IGFL4: variants seen among roughly 807,000 people sequenced by gnomAD.
IGFL4 encodes the protein insulin growth factor-like family member 4.
In IGFL4, 12 loss-of-function variants were observed where a neutral mutation model predicts 15.4. The observed-to-expected ratio is 0.78, with a 90% CI of 0.50 to 1.26. The LOEUF is 1.26. IGFL4 is among the 50% of genes most tolerant of loss of function. The pLI is 0.00. For synonymous variants in IGFL4, 54 were observed against 55.9 expected, an observed-to-expected ratio of 0.97 and a Z score of 0.16; for missense variants, 126 against 147.8, an observed-to-expected ratio of 0.85 and a Z score of 0.76.
intron 2 of IGFL4, among the ~76,000 whole-genome samples, chr19:46,051,567 A>C (rs1179801914): frequency 7.9e-5 from 12 of 151,748 alleles, no homozygotes; most frequent in East Asian, 3.9e-4. Flanking sequence ...AAAACAAAAC[A>C]AAACCAAAAA....
At chr19:46,055,774 C>T (rs1274250793) in intron 2 of IGFL4, among the ~76,000 whole-genome samples, 2 of 151,926 alleles carry the variant, frequency 1.3e-5, no homozygotes, top group African/African-American at 4.8e-5. Flanking sequence ...TGTGAGAGCT[C>T]AGTTTAATTT....
chr19:46,067,311 G>C (rs1969504420), intron 1 of IGFL4, among the ~76,000 whole-genome samples: 1 of 152,060 alleles, frequency 6.6e-6, no homozygotes, highest in South Asian at 2.1e-4. Flanking sequence ...TGCCTCTGTG[G>C]CACCTCAGTC....
At chr19:46,043,892 T>A, upstream of IGFL4, among the ~76,000 whole-genome samples, 1 of 152,158 alleles carries the variant, frequency 6.6e-6, no homozygotes, top group East Asian at 1.9e-4. Context: ...ATTGTCCATT[T>A]AAAAAATGGA....
At position 46,040,380 on chromosome 19, in the gene IGFL4, C is replaced by T; in HGVS notation, c.107G>A (p.Cys36Tyr). ...RLWLCQPAPR[C>Y]GEWTYNPLEQ... ...CAAGGGGTTGTAGGTCCACTCCCCG[C>T]ACCTGGGCGCTGGCTGGCATAGCCA... Residue 36 changes from cysteine to tyrosine, a missense_variant, in exon 3 of 4, where the codon TGC (cysteine) becomes TAC (tyrosine). Cys to Tyr is a radical substitution (Grantham distance 194). Transcript: ENST00000377697. The surrounding 1 kb of genome is among the most constrained non-coding windows in gnomAD (Gnocchi z 4.1). The T allele has an allele frequency of 4.3e-6, 7 of 1,614,208 alleles. No individual in the cohort carries two copies. Among genetic ancestry groups the T allele is most frequent in the Non-Finnish European group, 5.9e-6 (7 of 1,180,040 alleles).
Position 46,039,753 on chromosome 19 carries a change from A to G in IGFL4, c.*139T>C, listed in dbSNP as rs1641421187. On this transcript the variant is annotated 3_prime_UTR_variant, in exon 4 of 4. Transcript: ENST00000377697. ...TTGTACATTGATTTTGTATCCTGAG[A>G]CTTTGCTGAAGTTGCTTATTTGCAC... 1 of 728,316 alleles carries G rather than the reference A, an allele frequency of 1.4e-6. No individual in the cohort carries two copies. Among genetic ancestry groups the G allele is most frequent in the Admixed American group, 2.0e-5 (1 of 49,198 alleles). 45.1% of individuals were successfully genotyped at this position (728,316 alleles called of 1,614,324 possible).
upstream of IGFL4, among the ~76,000 whole-genome samples, chr19:46,043,526 C>T (rs186825931): frequency 7.7e-4 from 118 of 152,264 alleles, no homozygotes; most frequent in African/African-American, 2.4e-3. Flanking sequence ...GGAGGACTCA[C>T]ACTACCCAAT....
chr19:46,059,353 C>T (rs1048458848), intron 2 of IGFL4: 1 of 152,184 alleles, frequency 6.6e-6, no homozygotes, highest in Non-Finnish European at 1.5e-5. Flanking sequence ...GATCCATATT[C>T]TGTAACTTCT....
Position 46,071,723 on chromosome 19 carries a change from T to C in IGFL4, c.-432+5297A>G, listed in dbSNP as rs566990117. Reference sequence around the variant, plus strand: ...AACAAAGACCTTTCTAAAATAGCCTTCAAAAATGGTAAGGAGGTTGGGCAC... The same window carrying C: ...AACAAAGACCTTTCTAAAATAGCCTCCAAAAATGGTAAGGAGGTTGGGCAC... On this transcript the variant is annotated intron_variant, in intron 1 of 5. Coordinates refer to the IGFL4 transcript ENST00000601672. 3.9e-5 allele frequency among the ~76,000 whole-genome samples: 6 copies of C among 152,238 alleles called. No homozygotes were observed. The East Asian group carries it at 1.2e-3, about 29-fold the overall frequency.
Position 46,040,123 on chromosome 19 carries a change from C to T in IGFL4, c.330+34G>A, listed in dbSNP as rs183541426. 6.2e-6 allele frequency: 10 copies of T among 1,610,208 alleles called. No homozygotes were observed. Among genetic ancestry groups the T allele is most frequent in the Non-Finnish European group, 8.5e-6 (10 of 1,177,898 alleles). ...AACCAAGCTCCATTCCCTACTCCCC[C>T]CTCCCACAGCCTGGACTGGAGTCAG... On this transcript the variant is annotated intron_variant, in intron 3 of 3. Coordinates refer to ENST00000377697, the MANE Select transcript of IGFL4 (RefSeq NM_001002923.3). This position sits in a 1 kb window ranked among gnomAD's most constrained non-coding sequence, Gnocchi z 4.1.
At chr19:46,044,192 G>A (rs1291156659), upstream of IGFL4, among the ~76,000 whole-genome samples, 4 of 152,156 alleles carry the variant, frequency 2.6e-5, no homozygotes, top group Non-Finnish European at 5.9e-5. Flanking sequence ...AGGATCAAGA[G>A]ATCCCCACAT....
rs141668672 is a variant in IGFL4, at chr19:46,040,576, G to A, written c.20-8C>T. 6.2e-7 allele frequency: 1 copy of A among 1,613,948 alleles called. No individual in the cohort carries two copies. The highest frequency in any genetic ancestry group is 1.3e-5 in the African/African-American group (1 of 75,062). On this transcript the variant is annotated splice_region_variant and splice_polypyrimidine_tract_variant and intron_variant, in intron 1 of 3. Transcript: ENST00000377697. The surrounding 1 kb of genome is among the most constrained non-coding windows in gnomAD (Gnocchi z 4.1). ...CAAAAATGAAGATGGCAGCTGAGAA[G>A]CAGAAGGAGAGCGAGAATGATTCTG...
Position 46,076,687 on chromosome 19 carries a change from AATAAAT to A in IGFL4, c.-432+327_-432+332del, listed in dbSNP as rs976181041. On this transcript the variant is annotated intron_variant, in intron 1 of 5. Coordinates refer to the IGFL4 transcript ENST00000601672. ...GTTTTATTATAAATACATTATTTATAATAAATATAAATACATTATTTATAATAAATA... is the reference window on the plus strand; with the variant it reads ...GTTTTATTATAAATACATTATTTATAATAAATACATTATTTATAATAAATA... 1.0e-3 allele frequency among the ~76,000 whole-genome samples: 147 copies of A among 140,824 alleles called. 1 individual carries two copies. The highest frequency in any genetic ancestry group is 3.8e-3 in the African/African-American group (142 of 37,610). 92.4% of individuals were successfully genotyped at this position (140,824 alleles called of 152,430 possible). A position where few individuals can be genotyped will look rare whatever the true frequency, so the allele number is the denominator to read the frequency against.
chr19:46,045,694 G>A (rs958033807), upstream of IGFL4, among the ~76,000 whole-genome samples: 36 of 151,962 alleles, frequency 2.4e-4, no homozygotes, highest in Non-Finnish European at 4.7e-4. Flanking sequence ...CCGTCCTTCT[G>A]AAATTATACA....
intron 1 of IGFL4, among the ~76,000 whole-genome samples, chr19:46,061,779 ATTTCCATAC>A: frequency 6.6e-6 from 1 of 152,168 alleles, no homozygotes; most frequent in East Asian, 1.9e-4. Context: ...GGGAAAGGGC[ATTTCCATAC>A]TTTTTAGGTG....
In IGFL4 at chr19:46,040,220, C is replaced by G; in HGVS notation, c.267G>C (p.Arg89Ser). 1 of 1,614,176 alleles carries G rather than the reference C, an allele frequency of 6.2e-7. No homozygotes were observed. Among genetic ancestry groups the G allele is most frequent in the Non-Finnish European group, 8.5e-7 (1 of 1,180,034 alleles). ...CTGGCTTCATGCCTGGGACCTTGAACCTCACAACTGTCTGGTTCTGAGAGC... is the reference window on the plus strand; with the variant it reads ...CTGGCTTCATGCCTGGGACCTTGAAGCTCACAACTGTCTGGTTCTGAGAGC... The part of the protein sequence containing the change: ...SLGSQNQTVV[R>S]FKVPGMKPDC... Residue 89 changes from arginine (R) to serine (S), a missense_variant, in exon 3 of 4, where the codon AGG (arginine) becomes AGC (serine). Transcript: ENST00000377697. This position sits in a 1 kb window ranked among gnomAD's most constrained non-coding sequence, Gnocchi z 4.1.
chr19:46,063,682 A>C (rs1041021504), intron 1 of IGFL4, among the ~76,000 whole-genome samples: 3 of 152,196 alleles, frequency 2.0e-5, no homozygotes, highest in African/African-American at 7.2e-5. Flanking sequence ...TGAGGCACTG[A>C]GTGGAAGTAA....
upstream of IGFL4, among the ~76,000 whole-genome samples, chr19:46,043,416 C>A (rs1404341663): frequency 5.3e-5 from 8 of 152,280 alleles, no homozygotes; most frequent in East Asian, 1.5e-3. Context: ...AAAACCCAAG[C>A]AGGATTTGTC....
intron 1 of IGFL4, among the ~76,000 whole-genome samples, chr19:46,070,987 A>G (rs1293203141): frequency 1.3e-5 from 2 of 152,086 alleles, no homozygotes; most frequent in African/African-American, 4.8e-5. Flanking sequence ...GAGGTCTGCG[A>G]TATTTGCCCA....
chr19:46,052,383 T>A (rs1036233244), intron 2 of IGFL4, among the ~76,000 whole-genome samples: 1 of 152,188 alleles, frequency 6.6e-6, no homozygotes, highest in South Asian at 2.1e-4. Context: ...AATAACCTGC[T>A]CCTGAGTGAT....
Sources: allele counts gnomAD v4.1 joint callset (sites outside exome capture counted in the v4.1 genomes callset), GRCh38; gene constraint gnomAD v4.1.1; non-coding constraint Gnocchi (gnomAD v3.1); transcripts MANE v1.5; gene names NCBI Gene and HGNC (gene_info 2026-07-23, HGNC 2026-07-21).